The following JPH3 variants were observed in gnomAD, a reference collection of about 807,000 sequenced individuals.
JPH3 encodes junctophilin 3, also known as junctophilin-3.
Under a neutral mutation model 59.6 loss-of-function variants are expected in JPH3, and 11 were observed. That is an observed-to-expected ratio of 0.18 (90% CI 0.12 to 0.31). JPH3 has a LOEUF of 0.31. Among genes scored for constraint, JPH3 ranks in the 10% least tolerant of loss-of-function variants. The pLI, the probability that JPH3 is intolerant of heterozygous loss-of-function variation, is 1.00. For synonymous variants in JPH3, 673 were observed against 483.6 expected (o/e 1.39, Z -5.14); for missense variants, 1,202 against 1,105.7 (o/e 1.09, Z -1.24).
At chr16:87,629,539 G>A (rs531933008) in intron 1 of JPH3, among the ~76,000 whole-genome samples, 63 of 152,188 alleles carry the variant, frequency 4.1e-4, no homozygotes, top group South Asian at 8.3e-4. Flanking sequence ...CAGCGGTGAC[G>A]ACGCGGAGCA....
chr16:87,612,781 C>T (rs895219850), intron 1 of JPH3, among the ~76,000 whole-genome samples: 55 of 151,974 alleles, frequency 3.6e-4, no homozygotes, highest in Admixed American at 2.6e-4. Flanking sequence ...TTTGGGAGGC[C>T]GAGGCGGGCG....
At position 87,697,314 on chromosome 16, in the gene JPH3, G is replaced by C. The variant is rs1430328241; in HGVS notation, c.*654G>C. 6.6e-6 allele frequency: 1 copy of C among 152,482 alleles called. No individual in the cohort carries two copies. Among genetic ancestry groups the C allele is most frequent in the Non-Finnish European group, 1.5e-5 (1 of 68,256 alleles). 9.4% of individuals were successfully genotyped at this position (152,482 alleles called of 1,614,324 possible). ...CACTGCCCCCGGCCTTCCATGAGAA[G>C]CCGACTCCCCACACCGAGTTTTAAA... On this transcript the variant is annotated 3_prime_UTR_variant, in exon 5 of 5. Transcript: ENST00000284262.
chr16:87,662,096 T>C (rs903508930), intron 2 of JPH3, among the ~76,000 whole-genome samples: 2 of 152,220 alleles, frequency 1.3e-5, no homozygotes, highest in Non-Finnish European at 2.9e-5. Flanking sequence ...CCTTTTATTT[T>C]CTGTACCTAC....
chr16:87,644,537 G>T lies in JPH3; in HGVS notation c.662G>T (p.Ser221Ile). The T allele has an allele frequency of 2.5e-6, 4 of 1,612,922 alleles. No homozygotes were observed. Among genetic ancestry groups the T allele is most frequent in the Non-Finnish European group, 3.4e-6 (4 of 1,179,844 alleles). The stretch of plus-strand genomic sequence containing the variant: ...GGGCTGTTTCGGCGCTCGCTGCTGA[G>T]TGGGCTGAAGCTGCGCAAGTCGGAG... ...KKGLFRRSLL[S>I]GLKLRKSESK... is the part of the protein sequence containing the mutation. The change falls in exon 2 of 5, where the codon AGT becomes ATT. Residue 221 changes from serine to isoleucine, a missense_variant. By Grantham distance (142) the Ser-to-Ile change is moderately radical (BLOSUM62 -2). Coordinates refer to ENST00000284262, the MANE Select transcript of JPH3 (RefSeq NM_020655.4).
chr16:87,642,519 T>G (rs1276743274), intron 1 of JPH3, among the ~76,000 whole-genome samples: 1 of 152,246 alleles, frequency 6.6e-6, no homozygotes, highest in Non-Finnish European at 1.5e-5. Context: ...GTGGGACGAA[T>G]AAAACCTACG....
In JPH3 at chr16:87,603,031, CCTCCT is replaced by C; in HGVS notation, c.-109_-105del. 2 of 1,354,202 alleles carry C rather than the reference CCTCCT, an allele frequency of 1.5e-6. No individual in the cohort carries two copies. Among genetic ancestry groups the C allele is most frequent in the Non-Finnish European group, 2.0e-6 (2 of 997,814 alleles). 83.9% of individuals were successfully genotyped at this position (1,354,202 alleles called of 1,614,324 possible). A position where few individuals can be genotyped will look rare whatever the true frequency, so the allele number is the denominator to read the frequency against. On this transcript the variant is annotated 5_prime_UTR_variant, in exon 1 of 5. Coordinates refer to ENST00000284262, the MANE Select transcript of JPH3 (RefSeq NM_020655.4). Reference sequence around the variant, plus strand: ...CCGAGACCGCGCTCCGGGGCCGCGTCCTCCTCTCCTCCGGAAAACGCTCGCGACCC... The same window carrying C: ...CCGAGACCGCGCTCCGGGGCCGCGTCCTCCTCCGGAAAACGCTCGCGACCC...
intron 2 of JPH3, among the ~76,000 whole-genome samples, chr16:87,679,784 C>T (rs553746210): frequency 1.3e-5 from 2 of 152,378 alleles, no homozygotes; most frequent in East Asian, 3.9e-4. Flanking sequence ...TCTCTTACCC[C>T]AGTTCTCCAG....
chr16:87,660,858 G>A (rs12444472), intron 2 of JPH3, among the ~76,000 whole-genome samples: 28,870 of 151,984 alleles, frequency 0.19, 3,113 homozygotes, highest in South Asian at 0.38. Context: ...ACATCCAAGT[G>A]GATCTCTCAT....
chr16:87,604,816 A>G (rs2030453009), intron 1 of JPH3, among the ~76,000 whole-genome samples: 1 of 152,142 alleles, frequency 6.6e-6, no homozygotes, highest in South Asian at 2.1e-4. Context: ...GCAGTTAATT[A>G]TATAATGCTC....
At position 87,644,439 on chromosome 16, in the gene JPH3, C is replaced by T. The variant is rs1490222837; in HGVS notation, c.564C>T (p.Ser188=). Residue 188 remains serine (S), a synonymous_variant, in exon 2 of 5, where the codon AGC becomes AGT. Coordinates refer to ENST00000284262, the MANE Select transcript of JPH3 (RefSeq NM_020655.4). ...HPDASPAVAG[S]PAVSRGGFVL... Reference sequence around the variant, plus strand: ...ACGCCTCTCCGGCGGTGGCCGGCAGCCCGGCCGTGTCCCGCGGGGGCTTCG... The same window carrying T: ...ACGCCTCTCCGGCGGTGGCCGGCAGTCCGGCCGTGTCCCGCGGGGGCTTCG... 2 of 1,612,226 alleles carry T rather than the reference C, an allele frequency of 1.2e-6. No homozygotes were observed. The highest frequency in any genetic ancestry group is 2.2e-5 in the South Asian group (2 of 91,030).
chr16:87,630,709 CAT>C (rs1461519656), intron 1 of JPH3, among the ~76,000 whole-genome samples: 1 of 152,174 alleles, frequency 6.6e-6, no homozygotes, highest in African/African-American at 2.4e-5. Context: ...GAGCAAAAAT[CAT>C]GTGTGTCTTC....
rs1403384061 is a variant in JPH3 at position 87,602,978 on chromosome 16, C to T, written c.-169C>T. 2 of 660,386 alleles carry T rather than the reference C, an allele frequency of 3.0e-6. No individual in the cohort carries two copies. The highest frequency in any genetic ancestry group is 6.0e-5 in the East Asian group (2 of 33,234). The allele number at this position is 660,386 out of a possible 1,614,324, so 40.9% of individuals were successfully genotyped here. Reference sequence around the variant, plus strand: ...TCGCCCCCGATTGACTGAAATTCCTCCGGAGCCGGCGCCGCGGCCGCCCGC... The same window carrying T: ...TCGCCCCCGATTGACTGAAATTCCTTCGGAGCCGGCGCCGCGGCCGCCCGC... On this transcript the variant is annotated 5_prime_UTR_variant, in exon 1 of 5. Coordinates refer to ENST00000284262, the MANE Select transcript of JPH3 (RefSeq NM_020655.4).
intron 1 of JPH3, chr16:87,604,678 G>A: frequency 8.7e-7 from 1 of 1,153,374 alleles, no homozygotes; most frequent in Non-Finnish European, 1.1e-6. Flanking sequence ...GTCTCATGAA[G>A]AAAGCTCGGA....
rs112868102 is a variant in JPH3, at chr16:87,643,305, G to A, written c.383-953G>A. On this transcript the variant is annotated intron_variant, in intron 1 of 4. Coordinates refer to ENST00000284262, the MANE Select transcript of JPH3 (RefSeq NM_020655.4). ...CCATTTACCAGGTGATGGACTTGTG[G>A]GTTGCCTTTCCCTTTCCAGCCATGG... is the stretch of plus-strand genomic sequence containing the variant. Among the ~76,000 whole-genome samples the A allele has an allele frequency of 1.6e-3, 250 of 152,328 alleles. 6 individuals are homozygous for A. Among genetic ancestry groups the A allele is most frequent in the African/African-American group, 5.8e-3 (240 of 41,570 alleles).
intron 1 of JPH3, among the ~76,000 whole-genome samples, chr16:87,622,201 T>C (rs972502470): frequency 1.3e-4 from 20 of 152,202 alleles, no homozygotes; most frequent in Non-Finnish European, 2.8e-4. Context: ...CTGCCTGCCT[T>C]CCGAGGCCTC....
intron 1 of JPH3, 142 bp from the exon 2 acceptor site, chr16:87,644,116 C>T: frequency 2.3e-6 from 2 of 873,078 alleles, no homozygotes; most frequent in Non-Finnish European, 3.5e-6. Context: ...CCAGCCTGGG[C>T]AACACAGCGA....
chr16:87,644,201 AGGCTGTG>A (rs1252789058), intron 1 of JPH3, 50 bp from the exon 2 acceptor site: 5 of 1,526,172 alleles, frequency 3.3e-6, no homozygotes, highest in Non-Finnish European at 1.8e-6. Flanking sequence ...GTCCGTGGCC[AGGCTGTG>A]CCCCCTCCTC....
chr16:87,602,426 GGGGGC>G (rs1448340517), upstream of JPH3, among the ~76,000 whole-genome samples: 1 of 100,818 alleles, frequency 9.9e-6, no homozygotes, highest in Non-Finnish European at 2.1e-5. Flanking sequence ...GGGCGGGGGC[GGGGGC>G]GGGGGCGGGG....
chr16:87,687,556 C>T (rs1321662707), intron 3 of JPH3, among the ~76,000 whole-genome samples: 3 of 152,218 alleles, frequency 2.0e-5, no homozygotes, highest in Non-Finnish European at 4.4e-5. Flanking sequence ...ACTTCCGGTG[C>T]CATCCGCCCC....
Sources: allele counts gnomAD v4.1 joint callset (sites outside exome capture counted in the v4.1 genomes callset), GRCh38; gene constraint gnomAD v4.1.1; transcripts MANE v1.5; gene names NCBI Gene and HGNC (gene_info 2026-07-23, HGNC 2026-07-21).